The following TRIM9 variants were observed in gnomAD, a reference collection of about 807,000 sequenced individuals.
TRIM9 encodes E3 ubiquitin-protein ligase TRIM9.
TRIM9 carries 26 observed loss-of-function variants against 78.3 expected under a neutral mutation model. That is an observed-to-expected ratio of 0.33 (90% confidence interval 0.24 to 0.46). The LOEUF (loss-of-function observed/expected upper bound fraction) is 0.46. TRIM9 is among the 20% of genes least tolerant of loss of function. The pLI is 1.00. For missense variants in TRIM9, 787 were observed against 1,036.4 expected (o/e 0.76, Z 3.30); for synonymous variants, 398 against 416.5 (o/e 0.96, Z 0.54).
intron 3 of TRIM9, among the ~76,000 whole-genome samples, chr14:51,016,837 T>C (rs1319025832): frequency 6.6e-6 from 1 of 152,194 alleles, no homozygotes; most frequent in South Asian, 2.1e-4. Flanking sequence ...GAGACTTTTG[T>C]TTCCGAATAT....
chr14:51,014,692 T>G (rs1440691437), intron 3 of TRIM9, among the ~76,000 whole-genome samples: 1 of 152,236 alleles, frequency 6.6e-6, no homozygotes, highest in African/African-American at 2.4e-5. Flanking sequence ...CTTGCTATCT[T>G]CTTCAACTTG....
chr14:50,987,121 G>A (rs897294843), intron 7 of TRIM9, among the ~76,000 whole-genome samples: 17 of 152,248 alleles, frequency 1.1e-4, no homozygotes, highest in Admixed American at 7.8e-4. Context: ...AAATACAGAT[G>A]GTAGGAAGGT....
At chr14:51,053,580 C>CT (rs1348456935) in intron 1 of TRIM9, among the ~76,000 whole-genome samples, 5,668 of 74,590 alleles carry the variant, frequency 0.076, 145 homozygotes, top group Non-Finnish European at 0.1. Flanking sequence ...TTTTAATTTT[C>CT]TTTTTTTTTT....
At chr14:51,086,312 C>T (rs2063746024) in intron 1 of TRIM9, among the ~76,000 whole-genome samples, 2 of 152,152 alleles carry the variant, frequency 1.3e-5, no homozygotes, top group Non-Finnish European at 2.9e-5. Flanking sequence ...CCAGTTTTCT[C>T]ACAGGAAGAT....
intron 1 of TRIM9, among the ~76,000 whole-genome samples, chr14:51,088,175 TTCTAA>T (rs971655149): frequency 1.3e-5 from 2 of 152,224 alleles, no homozygotes; most frequent in African/African-American, 4.8e-5. Context: ...GTTTTAGGTA[TTCTAA>T]TCTACATAGA....
intron 5 of TRIM9, among the ~76,000 whole-genome samples, chr14:51,004,326 G>A (rs1336837375): frequency 6.6e-6 from 1 of 152,198 alleles, no homozygotes; most frequent in East Asian, 1.9e-4. Flanking sequence ...TGGCGGAGCT[G>A]TGGTTCAAAA....
intron 7 of TRIM9, among the ~76,000 whole-genome samples, chr14:50,995,267 T>G (rs2054055802): frequency 1.3e-5 from 2 of 152,208 alleles, no homozygotes; most frequent in Non-Finnish European, 2.9e-5. Context: ...CCCTTTTCCC[T>G]GTTTTTCAGT....
intron 11 of TRIM9, among the ~76,000 whole-genome samples, chr14:50,979,883 C>T (rs1380463100): frequency 6.6e-6 from 1 of 152,162 alleles, no homozygotes; most frequent in Non-Finnish European, 1.5e-5. Flanking sequence ...AGGGTCTCTA[C>T]CACTGAGTCA....
chr14:51,069,787 T>C (rs2062054280), intron 1 of TRIM9, among the ~76,000 whole-genome samples: 2 of 152,226 alleles, frequency 1.3e-5, no homozygotes, highest in African/African-American at 4.8e-5. Context: ...TGCCATTTGC[T>C]GCCCAATTAC....
At chr14:51,050,273 G>C (rs572119559) in intron 1 of TRIM9, among the ~76,000 whole-genome samples, 26 of 152,246 alleles carry the variant, frequency 1.7e-4, no homozygotes, top group Non-Finnish European at 3.5e-4. Context: ...GGAGGGACCT[G>C]GTGGGAGATA....
chr14:51,009,748 T>C (rs1483293063), intron 4 of TRIM9, among the ~76,000 whole-genome samples: 1 of 152,242 alleles, frequency 6.6e-6, no homozygotes, highest in Non-Finnish European at 1.5e-5. Context: ...CTTTCATTTC[T>C]TATATTCAAT....
intron 1 of TRIM9, among the ~76,000 whole-genome samples, chr14:51,028,882 C>T (rs1354229577): frequency 6.6e-6 from 1 of 152,142 alleles, no homozygotes; most frequent in African/African-American, 2.4e-5. Context: ...ACTCTGCCTC[C>T]TCCTTCCCTC....
At chr14:51,005,254 C>G (rs956198389) in intron 5 of TRIM9, among the ~76,000 whole-genome samples, 20 of 152,304 alleles carry the variant, frequency 1.3e-4, no homozygotes, top group African/African-American at 4.6e-4. Context: ...CTATTCAGAT[C>G]ACACTGTCCT....
intron 1 of TRIM9, among the ~76,000 whole-genome samples, chr14:51,077,386 G>GTTTTTTTTTT (rs146912763): frequency 2.0e-5 from 2 of 97,738 alleles, no homozygotes; most frequent in Non-Finnish European, 1.9e-5. Flanking sequence ...CTCCAATTCT[G>GTTTTTTTTTT]TTTTTTTTTT....
chr14:50,978,236 C>T (rs1481513175), intron 12 of TRIM9, among the ~76,000 whole-genome samples: 1 of 152,158 alleles, frequency 6.6e-6, no homozygotes, highest in African/African-American at 2.4e-5. Context: ...GTTTCCAAGG[C>T]TGGTTCTGGA....
intron 1 of TRIM9, among the ~76,000 whole-genome samples, chr14:51,067,751 G>C (rs1460110093): frequency 6.6e-6 from 1 of 151,932 alleles, no homozygotes; most frequent in African/African-American, 2.4e-5. Flanking sequence ...GGCTTCCCCT[G>C]ACCACCTGAG....
intron 1 of TRIM9, among the ~76,000 whole-genome samples, chr14:51,038,722 T>G (rs1403127242): frequency 6.6e-6 from 1 of 152,246 alleles, no homozygotes; most frequent in Non-Finnish European, 1.5e-5. Flanking sequence ...TCTGTGAGAC[T>G]GAGCTGGTTC....
intron 1 of TRIM9, among the ~76,000 whole-genome samples, chr14:51,029,776 CT>C (rs140507223): frequency 0.27 from 40,584 of 152,034 alleles, 6,659 homozygotes; most frequent in South Asian, 0.53. Context: ...GAGGATACCC[CT>C]GAGTGAAGGT....
At chr14:50,996,730 C>T (rs1215474815) in intron 7 of TRIM9, 2 of 985,252 alleles carry the variant, frequency 2.0e-6, no homozygotes, top group East Asian at 1.1e-4. Flanking sequence ...GATAGGTCAT[C>T]CCTGAGAGAA....
Sources: allele counts gnomAD v4.1 joint callset (sites outside exome capture counted in the v4.1 genomes callset), GRCh38; gene constraint gnomAD v4.1.1; transcripts MANE v1.5; gene names NCBI Gene and HGNC (gene_info 2026-07-23, HGNC 2026-07-21).